WIPI2: variants seen among roughly 807,000 people sequenced by gnomAD.
The protein encoded by WIPI2 is WD repeat domain phosphoinositide-interacting protein 2.
In WIPI2, 28 loss-of-function variants were observed where a neutral mutation model predicts 52.3. That is an observed-to-expected ratio of 0.54 (90% CI 0.40 to 0.73). The LOEUF is 0.73. WIPI2 is among the 30% of genes least tolerant of loss of function. The pLI is 0.00. For missense variants in WIPI2, 506 were observed against 602.9 expected (o/e 0.84, Z 1.68); for synonymous variants, 268 against 245.0 (o/e 1.09, Z -0.88).
chr7:5,209,921 T>C (rs1782471776), intron 3 of WIPI2, among the ~76,000 whole-genome samples: 1 of 152,116 alleles, frequency 6.6e-6, no homozygotes, highest in Non-Finnish European at 1.5e-5. Flanking sequence ...GTTTTTTTGG[T>C]TTTTTTGGTG....
chr7:5,221,429 A>G (rs1057448151), intron 7 of WIPI2, among the ~76,000 whole-genome samples: 3 of 152,172 alleles, frequency 2.0e-5, no homozygotes, highest in African/African-American at 7.2e-5. Flanking sequence ...TAAAATTTGT[A>G]TAGTAGGAGG....
At chr7:5,209,051 A>G (rs1782431338) in intron 3 of WIPI2, among the ~76,000 whole-genome samples, 1 of 100,094 alleles carries the variant, frequency 1.0e-5, no homozygotes, top group African/African-American at 4.0e-5. Flanking sequence ...GAGGTCTTAC[A>G]TCTTTTGTAA....
intron 3 of WIPI2, among the ~76,000 whole-genome samples, chr7:5,208,007 C>G (rs115221555): frequency 0.029 from 4,431 of 152,234 alleles, 196 homozygotes; most frequent in African/African-American, 0.1. Context: ...CTCAGGCGAT[C>G]CGGCCATCTC....
At chr7:5,192,517 C>CTTTTCACACTTGGACA (rs1554250223) in intron 1 of WIPI2, among the ~76,000 whole-genome samples, 9 of 152,302 alleles carry the variant, frequency 5.9e-5, no homozygotes, top group Non-Finnish European at 1.3e-4. Context: ...GAAATAGGAC[C>CTTTTCACACTTGGACA]TTTTCACACT....
At chr7:5,219,337 T>G (rs1782974972) in intron 7 of WIPI2, among the ~76,000 whole-genome samples, 1 of 152,236 alleles carries the variant, frequency 6.6e-6, no homozygotes, top group South Asian at 2.1e-4. Flanking sequence ...CCCTTTGAAA[T>G]GGCCCTGAAA....
At chr7:5,221,141 T>C (rs1783105152) in intron 7 of WIPI2, among the ~76,000 whole-genome samples, 1 of 152,038 alleles carries the variant, frequency 6.6e-6, no homozygotes, top group Admixed American at 6.5e-5. Context: ...TTTTGTATTT[T>C]TAGTAGAGAC....
At chr7:5,212,565 G>A (rs569073280) in intron 3 of WIPI2, among the ~76,000 whole-genome samples, 40 of 152,252 alleles carry the variant, frequency 2.6e-4, no homozygotes, top group African/African-American at 9.1e-4. Context: ...ACAGGGTCTC[G>A]CTCTTTTGCC....
At chr7:5,191,058 T>C (rs1246629773) in intron 1 of WIPI2, among the ~76,000 whole-genome samples, 2 of 152,088 alleles carry the variant, frequency 1.3e-5, no homozygotes, top group African/African-American at 4.8e-5. Context: ...CTTGCTCTGT[T>C]GCCCAGGCTG....
Position 5,230,959 on chromosome 7 carries a change from G to A in WIPI2, c.*12G>A, listed in dbSNP as rs779801662. ...TTCGGACTGACTGAACTTGACCTGT[G>A]ACCTCTGACCCGGGGAGCAGAGAAC... On this transcript the variant is annotated 3_prime_UTR_variant, in exon 13 of 13. Transcript: ENST00000288828. The surrounding 1 kb of genome is among the most constrained non-coding windows in gnomAD (Gnocchi z 4.8). 6.2e-7 allele frequency: 1 copy of A among 1,605,496 alleles called. No homozygotes were observed. Among genetic ancestry groups the A allele is most frequent in the Non-Finnish European group, 8.5e-7 (1 of 1,175,240 alleles).
At position 5,210,807 on chromosome 7, in the gene WIPI2, G is replaced by A. The variant is rs533865143; in HGVS notation, c.212-3728G>A. Among the ~76,000 whole-genome samples, 6 of 152,280 alleles carry A rather than the reference G, an allele frequency of 3.9e-5. No homozygotes were observed. The South Asian group carries it at 1.2e-3, about 32-fold the overall frequency. On this transcript the variant is annotated intron_variant, in intron 3 of 12. Transcript: ENST00000288828. The stretch of plus-strand genomic sequence containing the variant: ...AAGGATTGGTAGGTGGCCTCTGGTC[G>A]CAACATTTTCATCAGCTGATCAAAA...
chr7:5,213,016 G>A (rs1409024433), intron 3 of WIPI2: 1 of 152,258 alleles, frequency 6.6e-6, no homozygotes, highest in Non-Finnish European at 1.5e-5. Flanking sequence ...TCTGAGTGGT[G>A]CTGCATGCCA....
chr7:5,212,439 C>G (rs10261752), intron 3 of WIPI2, among the ~76,000 whole-genome samples: 16,249 of 152,224 alleles, frequency 0.11, 946 homozygotes, highest in Middle Eastern at 0.13. Flanking sequence ...GCCTTGTGCC[C>G]CTGGATTTGC....
chr7:5,194,263 A>G (rs1035312760), intron 2 of WIPI2, among the ~76,000 whole-genome samples: 2 of 152,200 alleles, frequency 1.3e-5, no homozygotes, highest in African/African-American at 4.8e-5. Flanking sequence ...AGAGGGCACC[A>G]GGGCCTCCCA....
rs1782720392 is a variant in WIPI2, at chr7:5,214,625, T to C, written c.302T>C (p.Val101Ala). 2 of 1,614,086 alleles carry C rather than the reference T, an allele frequency of 1.2e-6. No individual in the cohort carries two copies. The highest frequency in any genetic ancestry group is 1.3e-5 in the African/African-American group (1 of 74,920). ...VSLKAPRKLK[V>A]CHFKKGTEIC... The stretch of plus-strand genomic sequence containing the variant: ...CTTAAAGCACCAAGGAAGCTAAAGG[T>C]TTGCCACTTTAAGAAGGGAACTGAG... The change falls in exon 4 of 13, where the codon GTT becomes GCT. Residue 101 changes from valine (V) to alanine (A), a missense_variant. By Grantham distance (64) the Val-to-Ala change is moderately conservative. Coordinates refer to ENST00000288828, the MANE Select transcript of WIPI2 (RefSeq NM_015610.4).
intron 3 of WIPI2, among the ~76,000 whole-genome samples, chr7:5,211,242 C>T (rs1023025413): frequency 1.3e-5 from 2 of 152,250 alleles, no homozygotes; most frequent in South Asian, 2.1e-4. Context: ...GAGGCTGAGG[C>T]GGGTGCATCA....
In WIPI2 at chr7:5,225,938, G is replaced by C; in HGVS notation, c.848+8G>C. 6.2e-7 allele frequency: 1 copy of C among 1,609,586 alleles called. No individual in the cohort carries two copies. The highest frequency in any genetic ancestry group is 1.7e-4 in the Middle Eastern group (1 of 6,056). The stretch of plus-strand genomic sequence containing the variant: ...CGAGACTGTGAAAGAAAAGTGAGTT[G>C]CAAATATACGTTTCTTTAAAAATGA... On this transcript the variant is annotated splice_region_variant and intron_variant, in intron 9 of 12. Transcript: ENST00000288828.
chr7:5,198,428 C>T (rs538201187), intron 2 of WIPI2, among the ~76,000 whole-genome samples: 1 of 152,176 alleles, frequency 6.6e-6, no homozygotes, highest in African/African-American at 2.4e-5. Flanking sequence ...ATTCTGCTGC[C>T]TCAGCCTCCC....
In WIPI2 at chr7:5,217,115, C is replaced by T. The variant is rs371650326; in HGVS notation, c.504C>T (p.Asn168=). The change falls in exon 6 of 13, where the codon AAC becomes AAT. Residue 168 remains asparagine (N), a synonymous_variant. Transcript: ENST00000288828. ...PAGLCALSIN[N]DNCYLAYPGS... ...GCCTGTGTGCGCTGTCAATCAACAA[C>T]GACAACTGCTACTTGGCGTACCCAG... 3.3e-4 allele frequency: 539 copies of T among 1,613,420 alleles called. No individual in the cohort carries two copies. The highest frequency in any genetic ancestry group is 4.1e-4 in the Non-Finnish European group (489 of 1,179,496).
chr7:5,209,066 T>C (rs1460396986), intron 3 of WIPI2, among the ~76,000 whole-genome samples: 1 of 151,436 alleles, frequency 6.6e-6, no homozygotes, highest in Non-Finnish European at 1.5e-5. Context: ...TTGTAAAATT[T>C]ATTCCTAATA....
Sources: gnomAD v4.1 joint callset for allele counts (sites outside exome capture counted in the v4.1 genomes callset) on GRCh38, gnomAD v4.1.1 for gene constraint, Gnocchi (gnomAD v3.1) non-coding constraint, MANE v1.5 for transcripts, NCBI Gene and HGNC (gene_info 2026-07-23, HGNC 2026-07-21) for gene names.